Variants in KAZN observed in about 807,000 individuals in gnomAD.
The protein encoded by KAZN is kazrin.
A neutral mutation model predicts 87.4 loss-of-function variants in KAZN; 40 were observed. The ratio of observed to expected loss-of-function variants is 0.46; its 90% CI spans 0.36 to 0.60. The LOEUF (loss-of-function observed/expected upper bound fraction) is 0.60, where lower values mean the gene tolerates loss of function less well. Among genes scored for constraint, KAZN ranks in the 20% least tolerant of loss-of-function variants. The pLI, the probability that KAZN is intolerant of heterozygous loss-of-function variation, is 0.00. For synonymous variants in KAZN, 466 were observed against 458.3 expected (o/e 1.02, Z -0.22); for missense variants, 898 against 1,073.9 (o/e 0.84, Z 2.29).
At chr1:14,384,301 CT>C (rs1661661505) in intron 2 of KAZN, among the ~76,000 whole-genome samples, 1 of 151,892 alleles carries the variant, frequency 6.6e-6, no homozygotes, top group Non-Finnish European at 1.5e-5. Flanking sequence ...ATTGAATACC[CT>C]TTATTTCCTT....
intron 1 of KAZN, among the ~76,000 whole-genome samples, chr1:14,819,706 CTTTTTTTTTTT>C (rs775752838): frequency 1.7e-5 from 2 of 117,532 alleles, no homozygotes; most frequent in East Asian, 2.6e-4. Flanking sequence ...GAAAAAAAAT[CTTTTTTTTTTT>C]TTTTTTTTGA....
chr1:14,933,870 C>T (rs1333728018), intron 1 of KAZN, among the ~76,000 whole-genome samples: 12 of 147,740 alleles, frequency 8.1e-5, no homozygotes, highest in East Asian at 2.0e-4. Context: ...TTTTATGAGA[C>T]GGAGTCTTGC....
chr1:14,917,249 G>C (rs1420551140), intron 1 of KAZN, among the ~76,000 whole-genome samples: 1 of 152,160 alleles, frequency 6.6e-6, no homozygotes, highest in Non-Finnish European at 1.5e-5. Flanking sequence ...ATAGGTTTGG[G>C]GAAAATCCAG....
intron 2 of KAZN, among the ~76,000 whole-genome samples, chr1:14,370,896 G>T (rs994247660): frequency 6.6e-6 from 1 of 152,124 alleles, no homozygotes; most frequent in African/African-American, 2.4e-5. Context: ...TGTTGTCCAT[G>T]CTGATTTCAA....
At chr1:14,577,746 C>A (rs1675279021) in intron 2 of KAZN, among the ~76,000 whole-genome samples, 4 of 152,206 alleles carry the variant, frequency 2.6e-5, no homozygotes, top group Admixed American at 2.0e-4. Context: ...TGATAGTGAT[C>A]ATTGCATTCC....
chr1:14,151,748 C>T, intron 1 of KAZN, among the ~76,000 whole-genome samples: 1 of 152,210 alleles, frequency 6.6e-6, no homozygotes, highest in East Asian at 1.9e-4. Flanking sequence ...ATGAGGTAAG[C>T]TTCCTGGGCC....
intron 1 of KAZN, among the ~76,000 whole-genome samples, chr1:14,637,105 C>T (rs903308915): frequency 6.6e-6 from 1 of 152,106 alleles, no homozygotes; most frequent in Admixed American, 6.6e-5. Context: ...TGTGGTTGGC[C>T]GTTGCATATT....
At chr1:13,951,121 A>G (rs1641329548) in intron 1 of KAZN, among the ~76,000 whole-genome samples, 2 of 152,144 alleles carry the variant, frequency 1.3e-5, no homozygotes, top group Non-Finnish European at 2.9e-5. Flanking sequence ...TGTCAGGTAG[A>G]GATTCTTTGA....
intron 4 of KAZN, among the ~76,000 whole-genome samples, chr1:15,050,846 G>T (rs1674324222): frequency 2.0e-5 from 3 of 152,150 alleles, no homozygotes; most frequent in South Asian, 4.1e-4. Context: ...CTTGGTCTTT[G>T]GTCCTTAGTC....
At chr1:15,047,309 C>T (rs1453332200) in intron 4 of KAZN, among the ~76,000 whole-genome samples, 1 of 152,182 alleles carries the variant, frequency 6.6e-6, no homozygotes, top group Non-Finnish European at 1.5e-5. Context: ...CCCAGCTCCC[C>T]CACTGCACAG....
intron 1 of KAZN, among the ~76,000 whole-genome samples, chr1:14,620,628 A>C (rs1343873242): frequency 6.6e-6 from 1 of 152,124 alleles, no homozygotes; most frequent in Non-Finnish European, 1.5e-5. Flanking sequence ...GAAAATACCA[A>C]GAAGTTTGTA....
intron 1 of KAZN, among the ~76,000 whole-genome samples, chr1:14,807,509 C>T (rs564294396): frequency 6.6e-6 from 1 of 152,282 alleles, no homozygotes; most frequent in East Asian, 1.9e-4. Context: ...TGGCTCACAC[C>T]CGTAATCCCA....
chr1:14,135,011 ACATG>A (rs1344725732), intron 1 of KAZN, among the ~76,000 whole-genome samples: 27 of 54,262 alleles, frequency 5.0e-4, no homozygotes, highest in African/African-American at 2.2e-3. Context: ...ACATGTGCAC[ACATG>A]CACACATACA....
At chr1:14,508,786 G>T (rs969642299) in intron 2 of KAZN, among the ~76,000 whole-genome samples, 1 of 152,118 alleles carries the variant, frequency 6.6e-6, no homozygotes, top group Non-Finnish European at 1.5e-5. Flanking sequence ...GAAAAATCTC[G>T]GCCATAATAG....
intron 2 of KAZN, among the ~76,000 whole-genome samples, chr1:14,492,667 T>G (rs149205590): frequency 1.6e-3 from 1 of 612 alleles, no homozygotes; most frequent in Non-Finnish European, 3.1e-3. Context: ...ACACCACAAA[T>G]ACACACTACA....
intron 2 of KAZN, among the ~76,000 whole-genome samples, chr1:14,239,537 T>G (rs1404212961): frequency 6.8e-6 from 1 of 146,182 alleles, no homozygotes; most frequent in Non-Finnish European, 1.5e-5. Flanking sequence ...CTCGGCTCAC[T>G]GCAACTTCTG....
At chr1:14,266,723 C>T (rs969730855) in intron 2 of KAZN, among the ~76,000 whole-genome samples, 4 of 152,176 alleles carry the variant, frequency 2.6e-5, no homozygotes, top group African/African-American at 9.7e-5. Flanking sequence ...CCCCCCCACA[C>T]TCACACTGGG....
chr1:14,123,913 A>G (rs929614135), intron 1 of KAZN, among the ~76,000 whole-genome samples: 6 of 152,164 alleles, frequency 3.9e-5, no homozygotes, highest in Non-Finnish European at 8.8e-5. Context: ...CCAGCTCCCA[A>G]GTGGCCCAGG....
intron 1 of KAZN, among the ~76,000 whole-genome samples, chr1:13,935,347 C>G (rs964417052): frequency 2.0e-5 from 3 of 152,112 alleles, no homozygotes; most frequent in African/African-American, 7.2e-5. Context: ...TTTTAATTCT[C>G]ATTTTATGAT....
Sources: gnomAD v4.1 joint callset for allele counts (sites outside exome capture counted in the v4.1 genomes callset) on GRCh38, gnomAD v4.1.1 for gene constraint, MANE v1.5 for transcripts, NCBI Gene and HGNC (gene_info 2026-07-23, HGNC 2026-07-21) for gene names.